GUCY1A2: variants seen among roughly 807,000 people sequenced by gnomAD.
GUCY1A2 encodes the protein guanylate cyclase soluble subunit alpha-2.
GUCY1A2 carries 27 observed loss-of-function variants against 63.5 expected under a neutral mutation model. The observed-to-expected ratio is 0.43, with a 90% confidence interval of 0.31 to 0.59. GUCY1A2 has a LOEUF of 0.59. GUCY1A2 is among the 20% of genes least tolerant of loss of function. The pLI is 0.11. For missense variants in GUCY1A2, 768 were observed against 913.3 expected, an observed-to-expected ratio of 0.84 and a Z score of 2.05; for synonymous variants, 364 against 343.5, an observed-to-expected ratio of 1.06 and a Z score of -0.66.
rs1234093446 is a variant in GUCY1A2, at chr11:106,675,497, G to A, written c.*12052C>T. 1 of 200,884 alleles carries A rather than the reference G, an allele frequency of 5.0e-6. No homozygotes were observed. Among genetic ancestry groups the A allele is most frequent in the Non-Finnish European group, 1.0e-5 (1 of 97,734 alleles). 12.4% of individuals were successfully genotyped at this position (200,884 alleles called of 1,614,324 possible). A position where few individuals can be genotyped will look rare whatever the true frequency, so the allele number is the denominator to read the frequency against. On this transcript the variant is annotated 3_prime_UTR_variant, in exon 8 of 8. Transcript: ENST00000526355. ...AGTAGCTTGTAAATTTTGCAGATCT[G>A]GGCCTTCAATAACTTAGTAGAAGGC... is the stretch of plus-strand genomic sequence containing the variant.
intron 4 of GUCY1A2, chr11:106,827,191 A>C: frequency 6.6e-7 from 1 of 1,512,674 alleles, no homozygotes; most frequent in South Asian, 1.1e-5. Context: ...ATCTGGTCCC[A>C]ACGCACTGCC....
At chr11:106,735,222 A>G (rs2135374495) in intron 6 of GUCY1A2, among the ~76,000 whole-genome samples, 1 of 152,226 alleles carries the variant, frequency 6.6e-6, no homozygotes, top group East Asian at 1.9e-4. Context: ...GCTATCAGAT[A>G]CTACATCTTA....
Position 106,834,302 on chromosome 11 carries a change from T to C in GUCY1A2, c.1207-23824A>G, listed in dbSNP as rs964075495. 9.9e-5 allele frequency among the ~76,000 whole-genome samples: 15 copies of C among 152,144 alleles called. No individual in the cohort carries two copies. The East Asian group carries it at 2.9e-3, about 29-fold the overall frequency. ...CAGTTTCCACATATAAATGAGATCATGCAGTAATTGTCTTTCTGTGCCTGG... is the reference window on the plus strand; with the variant it reads ...CAGTTTCCACATATAAATGAGATCACGCAGTAATTGTCTTTCTGTGCCTGG... On this transcript the variant is annotated intron_variant, in intron 4 of 7. Coordinates refer to ENST00000526355, the MANE Select transcript of GUCY1A2 (RefSeq NM_000855.3).
intron 4 of GUCY1A2, among the ~76,000 whole-genome samples, chr11:106,904,772 A>G (rs1055402329): frequency 6.6e-5 from 10 of 152,202 alleles, no homozygotes; most frequent in African/African-American, 1.2e-4. Context: ...GAGCTCAAAA[A>G]AAAACAGAGA....
chr11:106,675,903 C>T lies in GUCY1A2; in HGVS notation c.*11646G>A, dbSNP rs1290966196. ...TTTAATTTTTTTCAAGTATTTTATA[C>T]CCCTTTGACTACTTCATCTGTTAGA... is the stretch of plus-strand genomic sequence containing the variant. On this transcript the variant is annotated 3_prime_UTR_variant, in exon 8 of 8. Transcript: ENST00000526355. 3 of 188,728 alleles carry T rather than the reference C, an allele frequency of 1.6e-5. No individual in the cohort carries two copies. The highest frequency in any genetic ancestry group is 8.5e-5 in the East Asian group (1 of 11,806). The allele number at this position is 188,728 out of a possible 1,614,324, so 11.7% of individuals were successfully genotyped here.
intron 4 of GUCY1A2, among the ~76,000 whole-genome samples, chr11:106,836,404 T>TA (rs1204756532): frequency 6.6e-6 from 1 of 152,010 alleles, no homozygotes; most frequent in African/African-American, 2.4e-5. Context: ...TATTTATCAA[T>TA]ACCATAAGTT....
In GUCY1A2 at chr11:106,763,613, C is replaced by T. The variant is rs147381336; in HGVS notation, c.1836+12826G>A. Among the ~76,000 whole-genome samples, 243 of 152,072 alleles carry T rather than the reference C, an allele frequency of 1.6e-3. 3 individuals carry two copies. The highest frequency in any genetic ancestry group is 6.8e-3 in the Middle Eastern group (2 of 292). On this transcript the variant is annotated intron_variant, in intron 6 of 7. Transcript: ENST00000526355. ...GAATCCTAGAATCAGAAAATCTGGG[C>T]GGTCAATTGAATTTTTGACTGAATG...
At chr11:106,689,445 A>C (rs923470730) in intron 7 of GUCY1A2, among the ~76,000 whole-genome samples, 1 of 152,216 alleles carries the variant, frequency 6.6e-6, no homozygotes, top group African/African-American at 2.4e-5. Context: ...AGTTGTATGC[A>C]AAAGCTAAAA....
chr11:106,856,795 T>G (rs1859442565), intron 4 of GUCY1A2, among the ~76,000 whole-genome samples: 1 of 152,132 alleles, frequency 6.6e-6, no homozygotes, highest in South Asian at 2.1e-4. Flanking sequence ...CCATTACTCT[T>G]TCTTCTAAAC....
chr11:106,900,411 G>A (rs1860115432), intron 4 of GUCY1A2, among the ~76,000 whole-genome samples: 1 of 152,006 alleles, frequency 6.6e-6, no homozygotes, highest in South Asian at 2.1e-4. Context: ...CTCAAACTTG[G>A]CCTTCCAATG....
At chr11:106,753,678 T>G (rs531997784) in intron 6 of GUCY1A2, among the ~76,000 whole-genome samples, 2 of 152,340 alleles carry the variant, frequency 1.3e-5, no homozygotes, top group Admixed American at 1.3e-4. Flanking sequence ...TGTGTGGTGT[T>G]ATTTCTGAGG....
At chr11:106,921,204 T>A (rs1487368994) in intron 4 of GUCY1A2, among the ~76,000 whole-genome samples, 1 of 152,070 alleles carries the variant, frequency 6.6e-6, no homozygotes, top group East Asian at 1.9e-4. Context: ...CATTATTATT[T>A]CCATAGTCAC....
chr11:106,930,839 G>T (rs1860591147), intron 4 of GUCY1A2, among the ~76,000 whole-genome samples: 1 of 152,236 alleles, frequency 6.6e-6, no homozygotes, highest in Non-Finnish European at 1.5e-5. Context: ...ACTTTGGCAA[G>T]CCAAGGCAGG....
chr11:107,007,370 C>T (rs1403412088), intron 1 of GUCY1A2, among the ~76,000 whole-genome samples: 1 of 152,082 alleles, frequency 6.6e-6, no homozygotes, highest in Non-Finnish European at 1.5e-5. Context: ...AATTTCAGAT[C>T]GGTGTTCAAA....
intron 5 of GUCY1A2, among the ~76,000 whole-genome samples, chr11:106,809,542 C>G (rs1565296916): frequency 6.6e-6 from 1 of 152,014 alleles, no homozygotes; most frequent in African/African-American, 2.4e-5. Flanking sequence ...AAAGAGATCT[C>G]ACTTAATAAT....
At chr11:106,693,400 ATCATCATCG>A (rs1862659560) in intron 7 of GUCY1A2, among the ~76,000 whole-genome samples, 1 of 152,030 alleles carries the variant, frequency 6.6e-6, no homozygotes, top group Admixed American at 6.6e-5. Context: ...CATCATCATC[ATCATCATCG>A]TCGTCTTTCT....
intron 4 of GUCY1A2, among the ~76,000 whole-genome samples, chr11:106,872,458 A>G (rs1859692509): frequency 6.6e-6 from 1 of 152,196 alleles, no homozygotes; most frequent in African/African-American, 2.4e-5. Context: ...TATGAAGAGC[A>G]TGATAAATAG....
chr11:106,801,366 T>C (rs895039165), intron 5 of GUCY1A2, among the ~76,000 whole-genome samples: 5 of 152,140 alleles, frequency 3.3e-5, no homozygotes, highest in Admixed American at 3.3e-4. Flanking sequence ...CTCTGGTAAT[T>C]TGTCAAAGTT....
intron 6 of GUCY1A2, among the ~76,000 whole-genome samples, chr11:106,755,544 G>T (rs1863958280): frequency 6.6e-6 from 1 of 152,154 alleles, no homozygotes; most frequent in Non-Finnish European, 1.5e-5. Context: ...CTGGTACATT[G>T]TGTCTTTGTC....
Sources: gnomAD v4.1 joint callset for allele counts (sites outside exome capture counted in the v4.1 genomes callset) on GRCh38, gnomAD v4.1.1 for gene constraint, MANE v1.5 for transcripts, NCBI Gene and HGNC (gene_info 2026-07-23, HGNC 2026-07-21) for gene names.